The following PRR16 variants were observed in gnomAD, a reference collection of about 807,000 sequenced individuals.
PRR16 encodes the protein protein Largen.
PRR16 carries 6 observed loss-of-function variants against 18.2 expected under a neutral mutation model. The ratio of observed to expected loss-of-function variants is 0.33; its 90% CI spans 0.18 to 0.65. The LOEUF is 0.65. Ranked by LOEUF, PRR16 falls within the 30% of genes least tolerant of loss-of-function variation. The pLI is 0.74. For synonymous variants in PRR16, 151 were observed against 147.8 expected (o/e 1.02, Z -0.16); for missense variants, 412 against 376.6 (o/e 1.09, Z -0.78).
At chr5:120,493,401 C>T (rs925174475) in intron 1 of PRR16, among the ~76,000 whole-genome samples, 11 of 152,052 alleles carry the variant, frequency 7.2e-5, no homozygotes, top group African/African-American at 9.7e-5. Context: ...ATCGCTTTTA[C>T]ACTTTTTTCT....
At chr5:120,585,492 T>G (rs1753410363) in intron 1 of PRR16, among the ~76,000 whole-genome samples, 1 of 151,798 alleles carries the variant, frequency 6.6e-6, no homozygotes, top group Non-Finnish European at 1.5e-5. Flanking sequence ...AGGGGGCAAG[T>G]GCCTGTAATC....
chr5:120,511,661 A>T (rs374426688), intron 1 of PRR16, among the ~76,000 whole-genome samples: 4 of 152,170 alleles, frequency 2.6e-5, no homozygotes, highest in East Asian at 1.9e-4. Flanking sequence ...TACTCAATTA[A>T]TGTATTTATT....
the PRR16 span, among the ~76,000 whole-genome samples, chr5:120,763,183 G>A: frequency 6.6e-6 from 1 of 151,752 alleles, no homozygotes; most frequent in Non-Finnish European, 1.5e-5. Context: ...GTCTCACTCT[G>A]TCACCCAGGC....
intron 1 of PRR16, among the ~76,000 whole-genome samples, chr5:120,670,093 A>G (rs1756546855): frequency 6.6e-6 from 1 of 152,180 alleles, no homozygotes; most frequent in Admixed American, 6.6e-5. Flanking sequence ...GGACATGTGA[A>G]AAGTGATAAA....
In PRR16 at chr5:120,586,180, A is replaced by AT. The variant is rs199700641; in HGVS notation, c.160-99774_160-99773insT. 8.1e-3 allele frequency among the ~76,000 whole-genome samples: 1,233 copies of AT among 152,048 alleles called. 24 individuals carry two copies. The highest frequency in any genetic ancestry group is 0.028 in the African/African-American group (1,143 of 41,396). On this transcript the variant is annotated intron_variant, in intron 1 of 1. Transcript: ENST00000407149. ...GAGCGAGACTCCATCTCAAAAAAAA[A>AT]AAAATATGTTTTTGATTGATGAACA...
chr5:120,659,466 A>G (rs929592879), intron 1 of PRR16, among the ~76,000 whole-genome samples: 3 of 152,032 alleles, frequency 2.0e-5, no homozygotes, highest in South Asian at 2.1e-4. Flanking sequence ...ATACTTGTAC[A>G]TATTTTCAGG....
Position 120,491,587 on chromosome 5 carries a change from A to C in PRR16, c.159+26942A>C, listed in dbSNP as rs538316142. Among the ~76,000 whole-genome samples the C allele has an allele frequency of 3.3e-5, 5 of 151,116 alleles. No homozygotes were observed. In the South Asian group the frequency reaches 1.0e-3, roughly 32 times the overall value. ...ATGATGGAGTCTTGCCCTGTGGCCCAAGCTGGAGTGCAGTGGTGTAATCTT... is the reference window on the plus strand; with the variant it reads ...ATGATGGAGTCTTGCCCTGTGGCCCCAGCTGGAGTGCAGTGGTGTAATCTT... On this transcript the variant is annotated intron_variant, in intron 1 of 1. Transcript: ENST00000407149.
At chr5:120,662,934 C>T (rs1756226645) in intron 1 of PRR16, among the ~76,000 whole-genome samples, 1 of 152,100 alleles carries the variant, frequency 6.6e-6, no homozygotes, top group South Asian at 2.1e-4. Context: ...GTTCATTCCA[C>T]CACCACATTC....
intron 1 of PRR16, among the ~76,000 whole-genome samples, chr5:120,632,309 A>C (rs970710768): frequency 6.6e-6 from 1 of 152,148 alleles, no homozygotes; most frequent in Admixed American, 6.5e-5. Flanking sequence ...GTAATATGGC[A>C]AAACAAGGTT....
intron 1 of PRR16, among the ~76,000 whole-genome samples, chr5:120,467,463 GT>G (rs1244529713): frequency 6.6e-5 from 10 of 151,748 alleles, no homozygotes; most frequent in African/African-American, 2.4e-4. Context: ...TCTGTTCTTT[GT>G]TTTTGTGTAA....
chr5:120,664,910 TA>T (rs1188030646), intron 1 of PRR16, among the ~76,000 whole-genome samples: 1 of 151,950 alleles, frequency 6.6e-6, no homozygotes, highest in Non-Finnish European at 1.5e-5. Flanking sequence ...AGTGCCGCAA[TA>T]AACATATGTG....
chr5:120,753,962 AAT>A, the PRR16 span, among the ~76,000 whole-genome samples: 12,989 of 124,666 alleles, frequency 0.1, 924 homozygotes, highest in African/African-American at 0.18. Context: ...TATTATATAT[AAT>A]ATATGTTATA....
chr5:120,623,876 T>G (rs767047028), intron 1 of PRR16, among the ~76,000 whole-genome samples: 1 of 152,002 alleles, frequency 6.6e-6, no homozygotes, highest in South Asian at 2.1e-4. Flanking sequence ...ATGAATATGT[T>G]AATGAGCTTG....
At chr5:120,678,565 A>AT (rs1056115043) in intron 1 of PRR16, among the ~76,000 whole-genome samples, 1 of 152,186 alleles carries the variant, frequency 6.6e-6, no homozygotes. Context: ...GTCCCAATAC[A>AT]TTAAGGCAAT....
chr5:120,700,949 A>G, the PRR16 span, among the ~76,000 whole-genome samples: 1 of 152,154 alleles, frequency 6.6e-6, no homozygotes, highest in Non-Finnish European at 1.5e-5. Context: ...GGTGAGTTGA[A>G]CAGTCCAATT....
chr5:120,580,255 T>G (rs919454777), intron 1 of PRR16, among the ~76,000 whole-genome samples: 5 of 152,230 alleles, frequency 3.3e-5, no homozygotes, highest in Middle Eastern at 3.4e-3. Flanking sequence ...TGGCCAGAAC[T>G]TCCAATACTA....
chr5:120,735,869 T>A, the PRR16 span, among the ~76,000 whole-genome samples: 5 of 152,224 alleles, frequency 3.3e-5, no homozygotes, highest in Admixed American at 1.3e-4. Flanking sequence ...TGCCTGTGTT[T>A]TTGTGTTATT....
the PRR16 span, chr5:120,710,902 A>C: frequency 6.6e-6 from 1 of 151,948 alleles, no homozygotes; most frequent in Non-Finnish European, 1.5e-5. Context: ...ACTAAAATCA[A>C]AGAGTTAGTA....
the PRR16 span, among the ~76,000 whole-genome samples, chr5:120,744,173 C>T: frequency 6.7e-6 from 1 of 148,272 alleles, no homozygotes; most frequent in African/African-American, 2.6e-5. Context: ...TTTGTCTCTT[C>T]AATCTGGGGC....
Sources: gnomAD v4.1 joint callset for allele counts (sites outside exome capture counted in the v4.1 genomes callset) on GRCh38, gnomAD v4.1.1 for gene constraint, MANE v1.5 for transcripts, NCBI Gene and HGNC (gene_info 2026-07-23, HGNC 2026-07-21) for gene names.